The following MDFIC variants were observed in gnomAD, a reference collection of about 807,000 sequenced individuals.
The protein encoded by MDFIC is MyoD family inhibitor domain containing.
MDFIC carries 17 observed loss-of-function variants against 23.2 expected under a neutral mutation model. The observed-to-expected ratio is 0.73, with a 90% CI of 0.50 to 1.10. The LOEUF is 1.10. MDFIC is among the 50% of genes least tolerant of loss of function. MDFIC has a pLI of 0.00. For missense variants in MDFIC, 356 were observed against 316.6 expected (o/e 1.12, Z -0.95); for synonymous variants, 120 against 115.2 (o/e 1.04, Z -0.27).
intron 3 of MDFIC, among the ~76,000 whole-genome samples, chr7:114,970,953 G>A (rs1793193153): frequency 6.6e-6 from 1 of 152,126 alleles, no homozygotes; most frequent in South Asian, 2.1e-4. Context: ...TTTTTGAAAT[G>A]TGTCTCTACA....
intron 3 of MDFIC, among the ~76,000 whole-genome samples, chr7:114,977,209 ATACT>A (rs1793333966): frequency 1.3e-5 from 2 of 152,214 alleles, no homozygotes; most frequent in African/African-American, 4.8e-5. Flanking sequence ...GATGATTTTA[ATACT>A]TAATCGATGT....
intron 3 of MDFIC, among the ~76,000 whole-genome samples, chr7:114,969,232 C>T (rs1385241024): frequency 6.6e-6 from 1 of 152,168 alleles, no homozygotes; most frequent in Non-Finnish European, 1.5e-5. Context: ...CAGCAATTCC[C>T]TAGACTCGTG....
In MDFIC at chr7:114,979,655, C is replaced by G. The variant is rs369909155; in HGVS notation, c.367C>G (p.Leu123Val). 1 of 1,614,026 alleles carries G rather than the reference C, an allele frequency of 6.2e-7. No individual in the cohort carries two copies. Among genetic ancestry groups the G allele is most frequent in the East Asian group, 2.2e-5 (1 of 44,864 alleles). Reference protein sequence around the residue: ...AKHGSADNRKLSAPVSQKMHR... With the variant: ...AKHGSADNRKVSAPVSQKMHR... Reference sequence around the variant, plus strand: ...ACACGGATCCGCAGATAATCGCAAACTTTCAGCACCTGTTTCTCAAAAAAT... The same window carrying G: ...ACACGGATCCGCAGATAATCGCAAAGTTTCAGCACCTGTTTCTCAAAAAAT... Residue 123 changes from leucine (L) to valine (V), a missense_variant, in exon 4 of 5, where the codon CTT becomes GTT. Coordinates refer to ENST00000393486, the MANE Select transcript of MDFIC (RefSeq NM_001166345.3).
intron 1 of MDFIC, 93 bp downstream of exon 1, chr7:114,922,729 G>A: frequency 7.4e-7 from 1 of 1,354,076 alleles, no homozygotes; most frequent in Non-Finnish European, 9.6e-7. Context: ...GCCCCTCCCC[G>A]CTGGGTCCAC....
chr7:114,967,124 T>G (rs1563144491), intron 3 of MDFIC, among the ~76,000 whole-genome samples: 1 of 152,240 alleles, frequency 6.6e-6, no homozygotes. Flanking sequence ...AATTGCTTGT[T>G]GCTCTCTGAA....
Position 115,017,494 on chromosome 7 carries a change from G to A in MDFIC, c.*1559G>A, listed in dbSNP as rs550708611. 1.8e-4 allele frequency: 27 copies of A among 152,398 alleles called. No homozygotes were observed. The highest frequency in any genetic ancestry group is 6.0e-4 in the African/African-American group (25 of 41,508). The allele number at this position is 152,398 out of a possible 1,614,324, so 9.4% of individuals were successfully genotyped here. A position where few individuals can be genotyped will look rare whatever the true frequency, so the allele number is the denominator to read the frequency against. On this transcript the variant is annotated 3_prime_UTR_variant, in exon 5 of 5. Transcript: ENST00000393486. ...TATTTTTTGTAAACACAGATAAATG[G>A]AAACCATTCTTTTCAATGCAGAAGA...
intron 3 of MDFIC, among the ~76,000 whole-genome samples, chr7:114,973,251 A>G (rs189668392): frequency 5.8e-4 from 89 of 152,182 alleles, no homozygotes; most frequent in African/African-American, 1.9e-3. Context: ...TTAATTCCCT[A>G]TGGAACAGTA....
intron 3 of MDFIC, among the ~76,000 whole-genome samples, chr7:114,965,950 C>T (rs1299797777): frequency 1.3e-5 from 2 of 152,128 alleles, no homozygotes; most frequent in African/African-American, 4.8e-5. Flanking sequence ...AACACACCGC[C>T]ATGTAGTGTT....
intron 4 of MDFIC, among the ~76,000 whole-genome samples, chr7:115,010,278 TTTC>T (rs1186346257): frequency 6.6e-6 from 1 of 152,192 alleles, no homozygotes; most frequent in East Asian, 1.9e-4. Flanking sequence ...ATAACTACTG[TTTC>T]TTCTTAGTTT....
chr7:114,935,099 C>A (rs1792398256), intron 2 of MDFIC, among the ~76,000 whole-genome samples: 1 of 151,782 alleles, frequency 6.6e-6, no homozygotes, highest in Non-Finnish European at 1.5e-5. Context: ...GTTACTTTTC[C>A]CAGAGATTTT....
At chr7:114,935,060 G>T (rs1192287901) in intron 2 of MDFIC, among the ~76,000 whole-genome samples, 2 of 152,062 alleles carry the variant, frequency 1.3e-5, no homozygotes, top group Non-Finnish European at 2.9e-5. Context: ...ATTCTGAACT[G>T]CTGGGAAAAT....
intron 4 of MDFIC, among the ~76,000 whole-genome samples, chr7:114,986,315 TCAGAATATAC>T (rs1294423804): frequency 6.6e-6 from 1 of 152,130 alleles, no homozygotes; most frequent in East Asian, 1.9e-4. Flanking sequence ...GAGGAGTTTT[TCAGAATATAC>T]CAGAGGGATA....
chr7:114,934,648 A>T (rs1403984538), intron 2 of MDFIC, among the ~76,000 whole-genome samples: 1 of 152,188 alleles, frequency 6.6e-6, no homozygotes, highest in Non-Finnish European at 1.5e-5. Flanking sequence ...CTTGCTCAGA[A>T]GTCTTATTAT....
chr7:114,938,186 C>A (rs746294494), intron 2 of MDFIC, among the ~76,000 whole-genome samples: 32 of 152,054 alleles, frequency 2.1e-4, no homozygotes, highest in Non-Finnish European at 3.7e-4. Flanking sequence ...GAACTCCTGA[C>A]CTCAGGTGAT....
intron 4 of MDFIC, among the ~76,000 whole-genome samples, chr7:114,993,262 G>T (rs532912405): frequency 6.6e-6 from 1 of 151,562 alleles, no homozygotes; most frequent in Non-Finnish European, 1.5e-5. Flanking sequence ...ATTAGTCTTG[G>T]TAGCGGTCTA....
intron 4 of MDFIC, among the ~76,000 whole-genome samples, chr7:114,991,082 C>T (rs1370325694): frequency 6.6e-6 from 1 of 152,116 alleles, no homozygotes; most frequent in African/African-American, 2.4e-5. Flanking sequence ...TTTTGATTTG[C>T]ATTTCTCTGA....
chr7:114,959,485 A>C (rs771046993), intron 3 of MDFIC, among the ~76,000 whole-genome samples: 2 of 152,214 alleles, frequency 1.3e-5, no homozygotes, highest in Non-Finnish European at 2.9e-5. Flanking sequence ...GCTCATTATC[A>C]TGTGCATCTC....
At chr7:115,003,429 CT>C (rs1461870648) in intron 4 of MDFIC, among the ~76,000 whole-genome samples, 1 of 152,180 alleles carries the variant, frequency 6.6e-6, no homozygotes, top group African/African-American at 2.4e-5. Context: ...GTTTTTCCTC[CT>C]GGATTTCTTC....
intron 3 of MDFIC, among the ~76,000 whole-genome samples, chr7:114,974,438 C>T (rs930277591): frequency 8.6e-5 from 13 of 152,042 alleles, no homozygotes; most frequent in African/African-American, 3.1e-4. Flanking sequence ...TCATTTTCCC[C>T]CTCCATATTC....
Sources: gnomAD v4.1 joint callset for allele counts (sites outside exome capture counted in the v4.1 genomes callset) on GRCh38, gnomAD v4.1.1 for gene constraint, MANE v1.5 for transcripts, NCBI Gene and HGNC (gene_info 2026-07-23, HGNC 2026-07-21) for gene names.